The following XKR6 variants were observed in gnomAD, a reference collection of about 807,000 sequenced individuals.
The protein encoded by XKR6 is XK-related protein 6.
In XKR6, 22 loss-of-function variants were observed where a neutral mutation model predicts 56.7. The observed-to-expected ratio is 0.39, with a 90% confidence interval of 0.28 to 0.55. XKR6 has a LOEUF of 0.55. Among genes scored for constraint, XKR6 ranks in the 20% least tolerant of loss-of-function variants. The pLI is 0.66. For synonymous variants in XKR6, 524 were observed against 387.8 expected, an observed-to-expected ratio of 1.35 and a Z score of -4.13; for missense variants, 852 against 889.0, an observed-to-expected ratio of 0.96 and a Z score of 0.53.
At chr8:11,167,625 T>A (rs551332968) in intron 1 of XKR6, among the ~76,000 whole-genome samples, 1 of 152,074 alleles carries the variant, frequency 6.6e-6, no homozygotes, top group Non-Finnish European at 1.5e-5. Context: ...TGGGTGAAAT[T>A]AGAAAGCCAC....
chr8:11,101,860 G>A (rs1277254535), intron 1 of XKR6, among the ~76,000 whole-genome samples: 8 of 152,102 alleles, frequency 5.3e-5, no homozygotes, highest in Non-Finnish European at 8.8e-5. Context: ...CACCCTTTAA[G>A]GCCCCATCTA....
chr8:11,016,661 G>A (rs1798630988), intron 1 of XKR6, among the ~76,000 whole-genome samples: 1 of 152,060 alleles, frequency 6.6e-6, no homozygotes, highest in Non-Finnish European at 1.5e-5. Flanking sequence ...TGCCACGGAT[G>A]ACGACGCCCC....
At chr8:11,183,647 T>C (rs184050884) in intron 1 of XKR6, among the ~76,000 whole-genome samples, 2 of 152,270 alleles carry the variant, frequency 1.3e-5, no homozygotes, top group African/African-American at 2.4e-5. Flanking sequence ...TTAAAAATTA[T>C]TTAAGATTAC....
chr8:11,006,908 T>C (rs1456100309), intron 1 of XKR6, among the ~76,000 whole-genome samples: 9 of 152,150 alleles, frequency 5.9e-5, no homozygotes, highest in African/African-American at 2.2e-4. Flanking sequence ...ATTCTTTCCC[T>C]AGCCTCAGGG....
intron 1 of XKR6, among the ~76,000 whole-genome samples, chr8:10,963,291 G>A (rs755323958): frequency 7.9e-5 from 12 of 152,226 alleles, no homozygotes; most frequent in South Asian, 2.1e-4. Flanking sequence ...CTGTTCAAAC[G>A]TCAGTGTGTC....
intron 1 of XKR6, among the ~76,000 whole-genome samples, chr8:11,155,281 C>A (rs1182067342): frequency 6.6e-6 from 1 of 152,162 alleles, no homozygotes; most frequent in Non-Finnish European, 1.5e-5. Context: ...GGATTCCTTG[C>A]CTTATTAGTT....
intron 1 of XKR6, chr8:11,137,795 T>C (rs779597294): frequency 2.6e-5 from 11 of 423,416 alleles, no homozygotes; most frequent in South Asian, 1.5e-4. Context: ...CCCTTAAACC[T>C]CAGGCTTTCT....
In XKR6 at chr8:11,201,250, C is replaced by G; in HGVS notation, c.90G>C (p.Glu30Asp). The G allele has an allele frequency of 6.4e-7, 1 of 1,568,424 alleles. No homozygotes were observed. Among genetic ancestry groups the G allele is most frequent in the Middle Eastern group, 1.9e-4 (1 of 5,402 alleles). The change falls in exon 1 of 3, where the codon GAG becomes GAC. Residue 30 changes from glutamate (E) to aspartate (D), a missense_variant. Physicochemically the swap from Glu to Asp is conservative, Grantham distance 45 (BLOSUM62 2). Around this residue, in one of 4 missense-constraint regions of XKR6, gnomAD observed 417 missense variants for 355.2 expected, o/e 1.17. Coordinates refer to ENST00000416569, the MANE Select transcript of XKR6 (RefSeq NM_173683.4). Reference sequence around the variant, plus strand: ...AGCCGCCTCCCCCGGGCTCCCCGTCCTCCTCGCCGCCGCTGCCCACCGCCT... The same window carrying G: ...AGCCGCCTCCCCCGGGCTCCCCGTCGTCCTCGCCGCCGCTGCCCACCGCCT... ...LDEAVGSGGE[E>D]DGEPGGGGCG...
chr8:10,974,679 C>T (rs191132580), intron 1 of XKR6, among the ~76,000 whole-genome samples: 22 of 152,328 alleles, frequency 1.4e-4, no homozygotes, highest in Middle Eastern at 6.8e-3. Context: ...CATTCTCACC[C>T]TCTCCCTCCT....
chr8:10,962,292 C>T (rs1229236494), intron 1 of XKR6, among the ~76,000 whole-genome samples: 1 of 152,114 alleles, frequency 6.6e-6, no homozygotes, highest in African/African-American at 2.4e-5. Context: ...AACTCTGTTC[C>T]CTAACCAGCT....
At chr8:10,990,888 G>A (rs1235307306) in intron 1 of XKR6, among the ~76,000 whole-genome samples, 1 of 140,390 alleles carries the variant, frequency 7.1e-6, no homozygotes, top group Non-Finnish European at 1.5e-5. Flanking sequence ...CGGCCACTGG[G>A]GAATGTCTTT....
chr8:10,926,536 C>A (rs1294223144), intron 1 of XKR6, among the ~76,000 whole-genome samples: 1 of 152,230 alleles, frequency 6.6e-6, no homozygotes, highest in Admixed American at 6.5e-5. Flanking sequence ...TTACTGACAA[C>A]CAGAGTGAGG....
At chr8:11,176,039 G>A (rs1028592005) in intron 1 of XKR6, among the ~76,000 whole-genome samples, 32 of 152,276 alleles carry the variant, frequency 2.1e-4, no homozygotes, top group African/African-American at 7.2e-4. Context: ...TACTCTGTGG[G>A]TGTAAAGCAA....
chr8:11,034,795 T>G (rs1209977467), intron 1 of XKR6, among the ~76,000 whole-genome samples: 1 of 152,180 alleles, frequency 6.6e-6, no homozygotes, highest in Non-Finnish European at 1.5e-5. Flanking sequence ...GTGCAACATT[T>G]ACCATGGCCA....
At chr8:11,110,372 G>A (rs1334440683) in intron 1 of XKR6, among the ~76,000 whole-genome samples, 2 of 152,138 alleles carry the variant, frequency 1.3e-5, no homozygotes, top group African/African-American at 4.8e-5. Flanking sequence ...CAGGGGTATT[G>A]GGGTAGACTA....
intron 1 of XKR6, among the ~76,000 whole-genome samples, chr8:11,102,454 C>A (rs1296906560): frequency 6.6e-6 from 1 of 152,142 alleles, no homozygotes; most frequent in African/African-American, 2.4e-5. Context: ...GTTCCCCTAC[C>A]GAATAGCTCT....
Position 11,185,732 on chromosome 8 carries a change from G to A in XKR6, c.764+14844C>T, listed in dbSNP as rs554545722. 2.0e-5 allele frequency among the ~76,000 whole-genome samples: 3 copies of A among 152,268 alleles called. No homozygotes were observed. The East Asian group carries it at 5.8e-4, about 29-fold the overall frequency. The stretch of plus-strand genomic sequence containing the variant: ...TTTCCTTAAGACCTGAAACACTGAT[G>A]AGTCTTGGGCACATGGCTACAATAC... On this transcript the variant is annotated intron_variant, in intron 1 of 2. Transcript: ENST00000416569.
rs1479627764 is a variant in XKR6 at position 11,039,232 on chromosome 8, C to A, written c.765-114402G>T. ...ATGTACTGAAGTCATAAAATCCACT[C>A]CAGATCTCACTCATGGTGTGAAACA... On this transcript the variant is annotated intron_variant, in intron 1 of 2. Coordinates refer to ENST00000416569, the MANE Select transcript of XKR6 (RefSeq NM_173683.4). Among the ~76,000 whole-genome samples the A allele has an allele frequency of 2.0e-5, 3 of 152,206 alleles. 1 individual carries two copies. The highest frequency in any genetic ancestry group is 4.4e-5 in the Non-Finnish European group (3 of 68,040).
chr8:10,945,811 G>A (rs903423830), intron 1 of XKR6, among the ~76,000 whole-genome samples: 14 of 152,128 alleles, frequency 9.2e-5, no homozygotes, highest in Non-Finnish European at 1.3e-4. Flanking sequence ...CTAGCGCCGC[G>A]TCTCTGCTGG....
Sources: gnomAD v4.1 joint callset for allele counts (sites outside exome capture counted in the v4.1 genomes callset) on GRCh38, gnomAD v4.1.1 for gene constraint, gnomAD v4.1.1 regional missense constraint, MANE v1.5 for transcripts, NCBI Gene and HGNC (gene_info 2026-07-23, HGNC 2026-07-21) for gene names.